ATAD1: variants seen among roughly 807,000 people sequenced by gnomAD.
ATAD1 encodes ATPase family AAA domain containing 1.
In ATAD1, 18 loss-of-function variants were observed where a neutral mutation model predicts 42.7. That is an observed-to-expected ratio of 0.42 (90% CI 0.29 to 0.63). ATAD1 has a LOEUF of 0.63. Ranked by LOEUF, ATAD1 falls within the 20% of genes least tolerant of loss-of-function variation. The pLI, the probability that ATAD1 is intolerant of heterozygous loss-of-function variation, is 0.19. For missense variants in ATAD1, 294 were observed against 440.4 expected (o/e 0.67, Z 2.98); for synonymous variants, 132 against 143.1 (o/e 0.92, Z 0.55).
chr10:87,764,404 G>C (rs1051773616), intron 8 of ATAD1, among the ~76,000 whole-genome samples: 4 of 152,192 alleles, frequency 2.6e-5, no homozygotes, highest in African/African-American at 9.7e-5. Context: ...AGAGGTTGCA[G>C]TGAGCAGAGA....
intron 1 of ATAD1, among the ~76,000 whole-genome samples, chr10:87,835,807 A>G (rs1039333853): frequency 1.3e-5 from 2 of 151,678 alleles, no homozygotes; most frequent in Admixed American, 1.3e-4. Flanking sequence ...GTTTTTGACT[A>G]TGTGTCCTTG....
intron 7 of ATAD1, 135 bp from the exon 8 acceptor site, chr10:87,767,858 G>T: frequency 2.6e-6 from 2 of 764,006 alleles, no homozygotes; most frequent in East Asian, 2.8e-5. Flanking sequence ...CTTTGAAGAG[G>T]TCAAAGCAAC....
intron 5 of ATAD1, among the ~76,000 whole-genome samples, chr10:87,782,370 T>C (rs960050552): frequency 2.0e-5 from 3 of 152,070 alleles, no homozygotes; most frequent in African/African-American, 7.2e-5. Flanking sequence ...CAAAGTTAAA[T>C]CCAGAAAAGA....
At chr10:87,773,882 G>A (rs1855167116) in intron 6 of ATAD1, among the ~76,000 whole-genome samples, 1 of 152,112 alleles carries the variant, frequency 6.6e-6, no homozygotes, top group Non-Finnish European at 1.5e-5. Context: ...TTATTTCTCA[G>A]GGAGAATAAT....
chr10:87,771,498 T>C (rs1355556085), intron 6 of ATAD1, among the ~76,000 whole-genome samples: 1 of 152,168 alleles, frequency 6.6e-6, no homozygotes, highest in Non-Finnish European at 1.5e-5. Context: ...TTCCCCTTAA[T>C]AAGTCTGAAG....
intron 5 of ATAD1, among the ~76,000 whole-genome samples, chr10:87,779,934 C>A (rs1011033388): frequency 1.3e-5 from 2 of 152,180 alleles, no homozygotes; most frequent in African/African-American, 4.8e-5. Context: ...CAAAACTAAA[C>A]ACTGTTTTAC....
At chr10:87,790,121 T>A (rs1166267236) in intron 4 of ATAD1, among the ~76,000 whole-genome samples, 189 bp downstream of exon 4, 1 of 152,210 alleles carries the variant, frequency 6.6e-6, no homozygotes, top group African/African-American at 2.4e-5. Context: ...TTTTAACATG[T>A]AAATACAGGA....
chr10:87,818,131 C>A, intron 1 of ATAD1, 36 bp downstream of exon 1: 1 of 985,584 alleles, frequency 1.0e-6, no homozygotes, highest in Non-Finnish European at 1.2e-6. Context: ...GATACGACAA[C>A]CATCCCATGA....
At chr10:87,815,694 CAAA>C (rs1255201189) in intron 1 of ATAD1, among the ~76,000 whole-genome samples, 3 of 151,962 alleles carry the variant, frequency 2.0e-5, no homozygotes, top group Non-Finnish European at 2.9e-5. Flanking sequence ...AGAATAGCTC[CAAA>C]AATTTTTTAT....
intron 2 of ATAD1, among the ~76,000 whole-genome samples, chr10:87,813,046 CTAA>C (rs1857256927): frequency 6.6e-6 from 1 of 152,164 alleles, no homozygotes; most frequent in South Asian, 2.1e-4. Flanking sequence ...GACATAATAT[CTAA>C]TGTTTCATAT....
At chr10:87,796,199 G>A (rs1209013697) in intron 2 of ATAD1, among the ~76,000 whole-genome samples, 1 of 152,086 alleles carries the variant, frequency 6.6e-6, no homozygotes, top group Non-Finnish European at 1.5e-5. Context: ...TTACCATTAT[G>A]TATTCTGAAA....
chr10:87,840,231 C>T (rs1007052653), intron 1 of ATAD1, among the ~76,000 whole-genome samples: 2 of 152,136 alleles, frequency 1.3e-5, no homozygotes, highest in African/African-American at 4.8e-5. Flanking sequence ...TGCCTATAAT[C>T]CCAACACTTC....
At chr10:87,810,920 G>C (rs561189400) in intron 2 of ATAD1, among the ~76,000 whole-genome samples, 7 of 152,274 alleles carry the variant, frequency 4.6e-5, no homozygotes, top group African/African-American at 1.7e-4. Flanking sequence ...CATAAAAACA[G>C]AATTCAGCAA....
chr10:87,805,459 CA>C (rs1291323218), intron 2 of ATAD1, among the ~76,000 whole-genome samples: 1 of 152,130 alleles, frequency 6.6e-6, no homozygotes, highest in Non-Finnish European at 1.5e-5. Flanking sequence ...AGAATAGTAA[CA>C]AAACAATTGA....
At position 87,818,216 on chromosome 10, in the gene ATAD1, G is replaced by A. The variant is rs925675450; in HGVS notation, c.-63C>T. 1.5e-5 allele frequency: 15 copies of A among 985,436 alleles called. No individual in the cohort carries two copies. Among genetic ancestry groups the A allele is most frequent in the Admixed American group, 6.1e-5 (1 of 16,274 alleles). The allele number at this position is 985,436 out of a possible 1,614,324, so 61.0% of individuals were successfully genotyped here. On this transcript the variant is annotated 5_prime_UTR_variant, in exon 1 of 10. Coordinates refer to ENST00000680024, the MANE Select transcript of ATAD1 (RefSeq NM_001321967.2). ...AGTGCCCTCAGCCGGCCTCACACAGGAAGGAAACGCAACCTGGGAGAGAAC... is the reference window on the plus strand; with the variant it reads ...AGTGCCCTCAGCCGGCCTCACACAGAAAGGAAACGCAACCTGGGAGAGAAC...
intron 1 of ATAD1, among the ~76,000 whole-genome samples, chr10:87,837,361 A>G (rs962302083): frequency 4.6e-5 from 7 of 152,194 alleles, no homozygotes; most frequent in Admixed American, 3.3e-4. Context: ...TGTAGTTTCA[A>G]TGTCAATTCT....
chr10:87,754,886 A>G, intron 9 of ATAD1, 79 bp from the exon 10 acceptor site: 1 of 1,519,262 alleles, frequency 6.6e-7, no homozygotes, highest in South Asian at 1.3e-5. Context: ...AAGATTTAAA[A>G]GAGATGCATG....
intron 2 of ATAD1, among the ~76,000 whole-genome samples, chr10:87,794,240 A>G (rs1183684283): frequency 6.6e-6 from 1 of 152,196 alleles, no homozygotes; most frequent in African/African-American, 2.4e-5. Context: ...AAAAAGTGCT[A>G]TGAACCACAT....
intron 2 of ATAD1, among the ~76,000 whole-genome samples, chr10:87,809,091 A>G (rs983504532): frequency 1.3e-5 from 2 of 152,134 alleles, no homozygotes; most frequent in Non-Finnish European, 2.9e-5. Context: ...CATGTATTCT[A>G]TTTCTTCTTA....
Sources: gnomAD v4.1 joint callset for allele counts (sites outside exome capture counted in the v4.1 genomes callset) on GRCh38, gnomAD v4.1.1 for gene constraint, MANE v1.5 for transcripts, NCBI Gene and HGNC (gene_info 2026-07-23, HGNC 2026-07-21) for gene names.